KCNAB1: variants seen among roughly 807,000 people sequenced by gnomAD.
The protein encoded by KCNAB1 is voltage-gated potassium channel subunit beta-1.
A neutral mutation model predicts 64.6 loss-of-function variants in KCNAB1; 35 were observed. The observed-to-expected ratio is 0.54, with a 90% confidence interval of 0.41 to 0.72. KCNAB1 has a LOEUF of 0.72. KCNAB1 is among the 30% of genes least tolerant of loss of function. The pLI, the probability that KCNAB1 is intolerant of heterozygous loss-of-function variation, is 0.00. For missense variants in KCNAB1, 401 were observed against 512.9 expected, an observed-to-expected ratio of 0.78 and a Z score of 2.11; for synonymous variants, 177 against 183.8, an observed-to-expected ratio of 0.96 and a Z score of 0.30.
chr3:156,337,243 C>T (rs946558835), intron 1 of KCNAB1, among the ~76,000 whole-genome samples: 1 of 152,098 alleles, frequency 6.6e-6, no homozygotes. Context: ...GAAGTTGGGG[C>T]GGGTTGGAGT....
chr3:156,355,836 G>C (rs1305785797), intron 1 of KCNAB1, among the ~76,000 whole-genome samples: 1 of 152,050 alleles, frequency 6.6e-6, no homozygotes, highest in Non-Finnish European at 1.5e-5. Flanking sequence ...TGACCCGAGG[G>C]CTGGCCATGG....
At chr3:156,249,560 TAA>T (rs5853747) in intron 1 of KCNAB1, among the ~76,000 whole-genome samples, 3 of 144,078 alleles carry the variant, frequency 2.1e-5, no homozygotes, top group East Asian at 2.0e-4. Context: ...AGACTCTGTC[TAA>T]AAAAAAAAGA....
chr3:156,132,726 G>T (rs2108267117), intron 1 of KCNAB1, among the ~76,000 whole-genome samples: 1 of 152,276 alleles, frequency 6.6e-6, no homozygotes, highest in African/African-American at 2.4e-5. Context: ...CTACAACATT[G>T]TGTTCATTTA....
chr3:156,402,128 A>G (rs574597595), intron 1 of KCNAB1, among the ~76,000 whole-genome samples: 16 of 151,586 alleles, frequency 1.1e-4, no homozygotes, highest in Non-Finnish European at 1.8e-4. Context: ...GTGCATATGT[A>G]CCCTAGAACT....
chr3:156,453,838 T>A (rs1712192339), intron 3 of KCNAB1, among the ~76,000 whole-genome samples: 1 of 152,180 alleles, frequency 6.6e-6, no homozygotes, highest in African/African-American at 2.4e-5. Flanking sequence ...CTAACATTTA[T>A]GTGTACTAAT....
intron 1 of KCNAB1, among the ~76,000 whole-genome samples, chr3:156,412,004 C>A (rs2108210512): frequency 6.6e-6 from 1 of 152,224 alleles, no homozygotes; most frequent in Non-Finnish European, 1.5e-5. Context: ...GTCATGCAGT[C>A]CATGAAAATG....
chr3:156,460,162 C>T, intron 5 of KCNAB1: 2 of 328,546 alleles, frequency 6.1e-6, no homozygotes, highest in South Asian at 6.2e-5. Context: ...TGGCTTCTGA[C>T]TGCCATTTGT....
intron 1 of KCNAB1, among the ~76,000 whole-genome samples, chr3:156,346,636 A>G (rs1724501989): frequency 6.6e-6 from 1 of 152,230 alleles, no homozygotes; most frequent in Admixed American, 6.5e-5. Context: ...CAAGTATCAT[A>G]AGCTTCAGGT....
chr3:156,165,109 G>T (rs935587939), intron 1 of KCNAB1, among the ~76,000 whole-genome samples: 25 of 151,228 alleles, frequency 1.7e-4, no homozygotes, highest in African/African-American at 3.6e-4. Flanking sequence ...AAACCCCGTC[G>T]CTACTAAAAA....
chr3:156,187,149 G>A (rs1713255720), intron 1 of KCNAB1, among the ~76,000 whole-genome samples: 1 of 152,116 alleles, frequency 6.6e-6, no homozygotes, highest in African/African-American at 2.4e-5. Flanking sequence ...CCACCGTGCT[G>A]GGACATCTCA....
chr3:156,373,270 G>A (rs1020991493), intron 1 of KCNAB1, among the ~76,000 whole-genome samples: 11 of 152,106 alleles, frequency 7.2e-5, no homozygotes, highest in African/African-American at 2.4e-4. Flanking sequence ...AATTACAGCC[G>A]GGCCAGGGAA....
intron 8 of KCNAB1, among the ~76,000 whole-genome samples, chr3:156,480,371 C>T (rs1576920966): frequency 6.6e-6 from 1 of 151,746 alleles, no homozygotes; most frequent in Non-Finnish European, 1.5e-5. Flanking sequence ...CATATCGGGG[C>T]CCGTTGTGGG....
intron 1 of KCNAB1, among the ~76,000 whole-genome samples, chr3:156,419,268 C>T (rs909583316): frequency 3.9e-5 from 6 of 151,922 alleles, no homozygotes; most frequent in East Asian, 1.9e-4. Flanking sequence ...TTTGGGAGGC[C>T]GAGGCAGGTG....
intron 1 of KCNAB1, among the ~76,000 whole-genome samples, chr3:156,367,207 G>A (rs1198500191): frequency 3.8e-5 from 5 of 132,156 alleles, no homozygotes; most frequent in African/African-American, 1.2e-4. Flanking sequence ...GCGGAGTCTC[G>A]CTCTGTCACC....
At chr3:156,439,541 T>C (rs1716848885) in intron 2 of KCNAB1, among the ~76,000 whole-genome samples, 1 of 152,226 alleles carries the variant, frequency 6.6e-6, no homozygotes, top group African/African-American at 2.4e-5. Flanking sequence ...CATCTCACTT[T>C]GACACTATCA....
chr3:156,239,494 C>T lies in KCNAB1; in HGVS notation c.275+118608C>T, dbSNP rs182615511. Among the ~76,000 whole-genome samples, 12 of 152,250 alleles carry T rather than the reference C, an allele frequency of 7.9e-5. No homozygotes were observed. The East Asian group carries it at 2.3e-3, about 29-fold the overall frequency. ...CCCACTAAAGCTGCTTTTCTCTTCC[C>T]TTCACCTAGGTCTCCTTCTCCAGCC... On this transcript the variant is annotated intron_variant, in intron 1 of 13. Coordinates refer to ENST00000490337, the MANE Select transcript of KCNAB1 (RefSeq NM_172160.3).
At chr3:156,283,745 C>A (rs1719895341) in intron 1 of KCNAB1, among the ~76,000 whole-genome samples, 1 of 151,922 alleles carries the variant, frequency 6.6e-6, no homozygotes, top group Non-Finnish European at 1.5e-5. Context: ...CCCTTTCTTC[C>A]AGTTGATCGC....
At chr3:156,435,562 G>C (rs1043445846) in intron 2 of KCNAB1, among the ~76,000 whole-genome samples, 1 of 152,182 alleles carries the variant, frequency 6.6e-6, no homozygotes, top group African/African-American at 2.4e-5. Flanking sequence ...CAATGGACTT[G>C]AGAATAAAGC....
chr3:156,377,357 C>T (rs930439807), intron 1 of KCNAB1, among the ~76,000 whole-genome samples: 1 of 152,056 alleles, frequency 6.6e-6, no homozygotes, highest in Non-Finnish European at 1.5e-5. Context: ...TGAGCCCCTC[C>T]CGAGCCATGC....
Sources: gnomAD v4.1 joint callset for allele counts (sites outside exome capture counted in the v4.1 genomes callset) on GRCh38, gnomAD v4.1.1 for gene constraint, MANE v1.5 for transcripts, NCBI Gene and HGNC (gene_info 2026-07-23, HGNC 2026-07-21) for gene names.